The following ZNF226 variants were observed in gnomAD, a reference collection of about 807,000 sequenced individuals.
ZNF226 encodes the protein Kruppel-associated box protein.
Under a neutral mutation model 11.4 loss-of-function variants are expected in ZNF226, and 6 were observed. That is an observed-to-expected ratio of 0.53 (90% CI 0.29 to 1.04). The LOEUF is 1.04. Among genes scored for constraint, ZNF226 ranks in the 50% least tolerant of loss-of-function variants. ZNF226 has a pLI of 0.08. For missense variants in ZNF226, 1,058 were observed against 956.5 expected, an observed-to-expected ratio of 1.11 and a Z score of -1.40; for synonymous variants, 350 against 322.8, an observed-to-expected ratio of 1.08 and a Z score of -0.90.
At chr19:44,191,217 C>A in the ZNF226 span, among the ~76,000 whole-genome samples, 1 of 152,104 alleles carries the variant, frequency 6.6e-6, no homozygotes, top group Non-Finnish European at 1.5e-5. Flanking sequence ...AATCTGATTG[C>A]AGATACCTTT....
the ZNF226 span, among the ~76,000 whole-genome samples, chr19:44,186,268 T>C: frequency 2.0e-5 from 3 of 152,092 alleles, no homozygotes; most frequent in African/African-American, 7.2e-5. Flanking sequence ...AGTGATTGCA[T>C]TGAATCTGTA....
chr19:44,166,941 C>G (rs1202297531), intron 2 of ZNF226: 1 of 152,186 alleles, frequency 6.6e-6, no homozygotes, highest in Non-Finnish European at 1.5e-5. Flanking sequence ...TCTGGAAACT[C>G]AGGACTAGAA....
At chr19:44,191,986 G>A in the ZNF226 span, among the ~76,000 whole-genome samples, 4 of 152,182 alleles carry the variant, frequency 2.6e-5, no homozygotes, top group Admixed American at 2.6e-4. Context: ...TGATGAAAAG[G>A]TACTTGAATT....
chr19:44,182,504 G>C (rs144365230), downstream of ZNF226, among the ~76,000 whole-genome samples: 469 of 152,314 alleles, frequency 3.1e-3, 3 homozygotes, highest in African/African-American at 0.01. Flanking sequence ...AGGAATGCCA[G>C]AATGCTGGAG....
rs564047457 is a variant in ZNF226, at chr19:44,172,054, G to T, written c.16-34G>T. 1.9e-6 allele frequency: 3 copies of T among 1,601,820 alleles called. No individual in the cohort carries two copies. In the East Asian group the frequency reaches 6.8e-5, roughly 36 times the overall value. On this transcript the variant is annotated intron_variant, in intron 3 of 5. Coordinates refer to ENST00000337433, the MANE Select transcript of ZNF226 (RefSeq NM_001032373.2). Reference sequence around the variant, plus strand: ...GTTACCCATCTTCTAGTGGACATTGGTTGTAAGATTGAGGTCATTTGTTTT... The same window carrying T: ...GTTACCCATCTTCTAGTGGACATTGTTTGTAAGATTGAGGTCATTTGTTTT...
intron 2 of ZNF226, among the ~76,000 whole-genome samples, chr19:44,169,386 A>C (rs570928699): frequency 3.3e-5 from 5 of 152,274 alleles, no homozygotes; most frequent in African/African-American, 9.6e-5. Flanking sequence ...CTTCGGTTTT[A>C]TTAGTTCAGT....
intron 3 of ZNF226, 81 bp from the exon 4 acceptor site, chr19:44,172,006 AC>A (rs1481685481): frequency 8.9e-5 from 139 of 1,563,558 alleles, no homozygotes; most frequent in Non-Finnish European, 1.2e-4. Context: ...GGCATCCAGA[AC>A]AACTTTCCAC....
At chr19:44,193,047 C>A in the ZNF226 span, among the ~76,000 whole-genome samples, 1 of 152,088 alleles carries the variant, frequency 6.6e-6, no homozygotes, top group Non-Finnish European at 1.5e-5. Context: ...GCTTGCAATT[C>A]TGAAGACCTC....
At chr19:44,180,086 CAAAAAAAAAA>C (rs60173546), downstream of ZNF226, among the ~76,000 whole-genome samples, 14,458 of 55,274 alleles carry the variant, frequency 0.26, 1,988 homozygotes, top group African/African-American at 0.46. Context: ...GACTCTGTCT[CAAAAAAAAAA>C]AAAAAAAAAA....
chr19:44,172,501 C>T, intron 4 of ZNF226: 1 of 394,606 alleles, frequency 2.5e-6, no homozygotes, highest in African/African-American at 2.1e-5. Context: ...TGAATGTCAT[C>T]AGCAGATTTT....
chr19:44,172,311 C>T, intron 4 of ZNF226, 97 bp downstream of exon 4: 1 of 1,482,730 alleles, frequency 6.7e-7, no homozygotes, highest in Non-Finnish European at 9.0e-7. Context: ...ATCTGACTTT[C>T]CTAATTTTTG....
chr19:44,182,234 T>C (rs528416376), downstream of ZNF226, among the ~76,000 whole-genome samples: 2 of 152,324 alleles, frequency 1.3e-5, no homozygotes, highest in South Asian at 4.1e-4. Flanking sequence ...TTGGCACAAC[T>C]GACATTTTGG....
chr19:44,178,296 A>G (rs1970850631), downstream of ZNF226: 1 of 152,382 alleles, frequency 6.6e-6, no homozygotes, highest in South Asian at 2.1e-4. Context: ...TATCTTTTGT[A>G]ACAGATAATT....
In ZNF226 at chr19:44,175,552, A is replaced by C; in HGVS notation, c.290A>C (p.Glu97Ala). The C allele has an allele frequency of 6.2e-7, 1 of 1,612,542 alleles. No homozygotes were observed. Among genetic ancestry groups the C allele is most frequent in the South Asian group, 1.1e-5 (1 of 90,750 alleles). ...ITVQDRESEE[E>A]LSCWQIWQQI... ...GTTCAAGACAGAGAATCAGAAGAAG[A>C]GCTTTCTTGTTGGCAAATCTGGCAA... Residue 97 changes from glutamate (E) to alanine (A), a missense_variant, in exon 6 of 6, where the codon GAG becomes GCG. Physicochemically the swap from Glu to Ala is moderately radical, Grantham distance 107. Transcript: ENST00000337433.
downstream of ZNF226, among the ~76,000 whole-genome samples, chr19:44,181,034 A>G (rs1403677279): frequency 6.6e-6 from 1 of 152,156 alleles, no homozygotes; most frequent in African/African-American, 2.4e-5. Context: ...TCTACACTCA[A>G]GATTAGACAG....
At chr19:44,187,406 ATTC>A in the ZNF226 span, among the ~76,000 whole-genome samples, 1 of 151,794 alleles carries the variant, frequency 6.6e-6, no homozygotes, top group Non-Finnish European at 1.5e-5. This position sits in a 1 kb window ranked among gnomAD's most constrained non-coding sequence, Gnocchi z 4.0. Flanking sequence ...CTGTTGGTGT[ATTC>A]TTCTTCATAG....
chr19:44,183,267 T>G (rs1176323292), downstream of ZNF226, among the ~76,000 whole-genome samples: 4 of 152,136 alleles, frequency 2.6e-5, no homozygotes, highest in Non-Finnish European at 5.9e-5. Flanking sequence ...GATGAATAAT[T>G]AATGAATGTT....
chr19:44,167,224 A>C (rs1969485221), intron 2 of ZNF226, among the ~76,000 whole-genome samples: 1 of 148,720 alleles, frequency 6.7e-6, no homozygotes, highest in South Asian at 2.1e-4. Context: ...CTACCTATTT[A>C]TTGTTAATTA....
Position 44,177,223 on chromosome 19 carries a change from G to A in ZNF226, c.1961G>A (p.Arg654Gln), listed in dbSNP as rs768371687. Reference protein sequence around the residue: ...KCEECGKSFGRSAHLQAHQKV... With the variant: ...KCEECGKSFGQSAHLQAHQKV... The stretch of plus-strand genomic sequence containing the variant: ...GAAGAATGTGGGAAGAGTTTCGGTC[G>A]GAGTGCACATCTTCAAGCCCATCAA... Residue 654 changes from arginine to glutamine, a missense_variant, in exon 6 of 6, where the codon CGG (arginine) becomes CAG (glutamine). Physicochemically the swap from Arg to Gln is conservative, Grantham distance 43. Transcript: ENST00000337433. The A allele has an allele frequency of 1.8e-5, 29 of 1,613,322 alleles. 1 individual carries two copies. Among genetic ancestry groups the A allele is most frequent in the Non-Finnish European group, 2.3e-5 (27 of 1,179,860 alleles).
Sources: gnomAD v4.1 joint callset for allele counts (sites outside exome capture counted in the v4.1 genomes callset) on GRCh38, gnomAD v4.1.1 for gene constraint, Gnocchi (gnomAD v3.1) non-coding constraint, MANE v1.5 for transcripts, NCBI Gene and HGNC (gene_info 2026-07-23, HGNC 2026-07-21) for gene names.